Variants in SV2C observed in about 807,000 individuals in gnomAD.
SV2C encodes the protein synaptic vesicle glycoprotein 2C.
In SV2C, 49 loss-of-function variants were observed where a neutral mutation model predicts 79.7. The observed-to-expected ratio is 0.61, with a 90% CI of 0.49 to 0.78. The LOEUF is 0.78. Ranked by LOEUF, SV2C falls within the 30% of genes least tolerant of loss-of-function variation. SV2C has a pLI of 0.00. For synonymous variants in SV2C, 334 were observed against 333.2 expected (o/e 1.00, Z -0.03); for missense variants, 833 against 912.9 (o/e 0.91, Z 1.13).
the SV2C span, among the ~76,000 whole-genome samples, chr5:75,971,369 A>G: frequency 6.6e-6 from 1 of 152,088 alleles, no homozygotes; most frequent in Non-Finnish European, 1.5e-5. Context: ...CAATTAGGAA[A>G]AGAGGAAGTC....
At chr5:75,896,369 C>T in the SV2C span, among the ~76,000 whole-genome samples, 8 of 151,844 alleles carry the variant, frequency 5.3e-5, no homozygotes, top group African/African-American at 1.9e-4. Flanking sequence ...CAATTTCATC[C>T]ATGTCCCTAC....
chr5:76,298,919 A>G lies in SV2C; in HGVS notation c.1628A>G (p.Asp543Gly), dbSNP rs767996350. 5.0e-6 allele frequency: 8 copies of G among 1,613,716 alleles called. No individual in the cohort carries two copies. In the South Asian group the frequency reaches 7.7e-5, roughly 16 times the overall value. Reference sequence around the variant, plus strand: ...TGCACATTTATTGACACTGTTTTTGACAACACAGGTAGGTGTGCTACTTAG... The same window carrying G: ...TGCACATTTATTGACACTGTTTTTGGCAACACAGGTAGGTGTGCTACTTAG... ...KNCTFIDTVFDNTDFEPYKFI... is the reference protein window; with the variant it reads ...KNCTFIDTVFGNTDFEPYKFI... The change falls in exon 10 of 13, where the codon GAC becomes GGC. Residue 543 changes from aspartate to glycine, a missense_variant. Transcript: ENST00000502798.
intron 1 of SV2C, among the ~76,000 whole-genome samples, chr5:76,127,510 G>A (rs1748747727): frequency 6.6e-6 from 1 of 152,170 alleles, no homozygotes; most frequent in South Asian, 2.1e-4. Flanking sequence ...GTTTCAATCG[G>A]CTATGTATCC....
chr5:75,946,845 A>C, the SV2C span, among the ~76,000 whole-genome samples: 5 of 152,154 alleles, frequency 3.3e-5, no homozygotes, highest in Non-Finnish European at 7.4e-5. Context: ...TCATAGGTAC[A>C]TGACTCTATC....
At chr5:75,918,399 A>T in the SV2C span, among the ~76,000 whole-genome samples, 3 of 152,254 alleles carry the variant, frequency 2.0e-5, no homozygotes, top group Non-Finnish European at 4.4e-5. Flanking sequence ...TGATAGTTGC[A>T]TACGTATTTT....
chr5:76,185,729 T>C (rs1242681726), intron 2 of SV2C, among the ~76,000 whole-genome samples: 4 of 152,220 alleles, frequency 2.6e-5, no homozygotes, highest in Non-Finnish European at 5.9e-5. Flanking sequence ...CTCCTAGGCC[T>C]CCAGGCCTGT....
intron 12 of SV2C, among the ~76,000 whole-genome samples, chr5:76,307,348 G>C (rs764716198): frequency 1.5e-4 from 23 of 152,288 alleles, no homozygotes; most frequent in Non-Finnish European, 2.9e-4. Flanking sequence ...CAGATACAGA[G>C]AACAAAAAGC....
intron 4 of SV2C, among the ~76,000 whole-genome samples, chr5:76,227,399 TC>T (rs1301150414): frequency 6.6e-6 from 1 of 151,990 alleles, no homozygotes; most frequent in Non-Finnish European, 1.5e-5. Context: ...AAGGGGCATT[TC>T]CCCCCTGTCT....
intron 4 of SV2C, among the ~76,000 whole-genome samples, chr5:76,268,331 C>A (rs934242689): frequency 5.3e-5 from 8 of 152,132 alleles, no homozygotes; most frequent in African/African-American, 1.4e-4. Flanking sequence ...ACTGGTGATA[C>A]TGGATTCACG....
At chr5:75,983,372 T>C in the SV2C span, among the ~76,000 whole-genome samples, 37,255 of 151,874 alleles carry the variant, frequency 0.25, 5,972 homozygotes, top group Non-Finnish European at 0.37. Flanking sequence ...AAAATATAAG[T>C]TTAGAAAAAT....
intron 2 of SV2C, chr5:76,174,221 C>T (rs1743445866): frequency 6.3e-7 from 1 of 1,594,812 alleles, no homozygotes; most frequent in South Asian, 1.1e-5. Context: ...CTGCGAACCT[C>T]TCACGCTGTC....
At chr5:75,993,547 T>G in the SV2C span, among the ~76,000 whole-genome samples, 3 of 152,056 alleles carry the variant, frequency 2.0e-5, no homozygotes, top group African/African-American at 7.2e-5. Flanking sequence ...GATGAACATA[T>G]TGTTCTAGAG....
At position 76,330,134 on chromosome 5, in the gene SV2C, G is replaced by GT. The variant is rs1290211287; in HGVS notation, c.*4588dup. 2.0e-5 allele frequency: 3 copies of GT among 151,132 alleles called. No individual in the cohort carries two copies. Among genetic ancestry groups the GT allele is most frequent in the African/African-American group, 7.3e-5 (3 of 41,092 alleles). 9.4% of individuals were successfully genotyped at this position (151,132 alleles called of 1,614,324 possible). A position where few individuals can be genotyped will look rare whatever the true frequency, so the allele number is the denominator to read the frequency against. ...GTCCCTTCATTGTTTCAGGTATGGC[G>GT]TAACAGTTCTCCGTGTGATGTTCTT... On this transcript the variant is annotated 3_prime_UTR_variant, in exon 13 of 13. Transcript: ENST00000502798.
At chr5:75,907,711 A>C in the SV2C span, among the ~76,000 whole-genome samples, 1 of 152,346 alleles carries the variant, frequency 6.6e-6, no homozygotes, top group East Asian at 1.9e-4. Context: ...TCCATTTTAA[A>C]TAGTCATTGG....
the SV2C span, among the ~76,000 whole-genome samples, chr5:76,047,766 C>CTA: frequency 3.1e-5 from 4 of 129,248 alleles, no homozygotes; most frequent in East Asian, 6.7e-4. Context: ...TTTTTCTTTT[C>CTA]TTTTTTTTTT....
chr5:76,202,042 A>C lies in SV2C; in HGVS notation c.761+6943A>C, dbSNP rs201855614. ...AAAAAAAAAAAAAAAAAAAAGAAAG[A>C]AAAAGAAAATTGAGGCACGGATTGA... On this transcript the variant is annotated intron_variant, in intron 3 of 12. Transcript: ENST00000502798. 6.6e-5 allele frequency among the ~76,000 whole-genome samples: 10 copies of C among 150,758 alleles called. No homozygotes were observed. In the East Asian group the frequency reaches 1.8e-3, roughly 27 times the overall value.
chr5:75,861,683 G>A, the SV2C span, among the ~76,000 whole-genome samples: 1 of 152,198 alleles, frequency 6.6e-6, no homozygotes, highest in African/African-American at 2.4e-5. Flanking sequence ...GATGCAGCTG[G>A]ATGCCATTAT....
At chr5:75,906,485 C>A in the SV2C span, among the ~76,000 whole-genome samples, 1 of 146,088 alleles carries the variant, frequency 6.8e-6, no homozygotes, top group Non-Finnish European at 1.5e-5. Context: ...TCATCTTATT[C>A]GGTTAGAATA....
intron 4 of SV2C, among the ~76,000 whole-genome samples, chr5:76,266,703 TG>T (rs2112466055): frequency 6.6e-6 from 1 of 152,148 alleles, no homozygotes; most frequent in East Asian, 1.9e-4. Flanking sequence ...AGTTTCAGTT[TG>T]GGATGATGGA....
Sources: gnomAD v4.1 joint callset for allele counts (sites outside exome capture counted in the v4.1 genomes callset) on GRCh38, gnomAD v4.1.1 for gene constraint, MANE v1.5 for transcripts, NCBI Gene and HGNC (gene_info 2026-07-23, HGNC 2026-07-21) for gene names.